Variants in TMEM184C observed in about 807,000 individuals in gnomAD.
TMEM184C encodes transmembrane protein 34.
Under a neutral mutation model 54.5 loss-of-function variants are expected in TMEM184C, and 25 were observed. That is an observed-to-expected ratio of 0.46 (90% CI 0.33 to 0.64). The LOEUF is 0.64. TMEM184C is among the 30% of genes least tolerant of loss of function. The pLI, the probability that TMEM184C is intolerant of heterozygous loss-of-function variation, is 0.02. For missense variants in TMEM184C, 335 were observed against 520.3 expected (o/e 0.64, Z 3.46); for synonymous variants, 148 against 181.5 (o/e 0.82, Z 1.49).
At chr4:147,630,867 A>T (rs1488698594) in intron 6 of TMEM184C, among the ~76,000 whole-genome samples, 1 of 152,058 alleles carries the variant, frequency 6.6e-6, no homozygotes, top group African/African-American at 2.4e-5. Flanking sequence ...AGATTTCTAA[A>T]AAGTTAGTAA....
At chr4:147,623,563 AAAAAG>A (rs989613653) in intron 1 of TMEM184C, among the ~76,000 whole-genome samples, 54 of 151,236 alleles carry the variant, frequency 3.6e-4, no homozygotes, top group African/African-American at 1.3e-3. Flanking sequence ...TTAAAAAAAA[AAAAAG>A]ATTCATACTC....
chr4:147,623,940 C>G lies in TMEM184C; in HGVS notation c.230C>G (p.Pro77Arg), dbSNP rs1732762504. The change falls in exon 2 of 10, where the codon CCT becomes CGT. Residue 77 changes from proline (P) to arginine (R), a missense_variant. Pro to Arg is a moderately radical substitution (Grantham distance 103). Coordinates refer to ENST00000296582, the MANE Select transcript of TMEM184C (RefSeq NM_018241.3). ...ILQHLVHYTQ[P>R]ELQKPIIRIL... ...CAACACTTAGTGCATTATACACAAC[C>G]TGAACTACAAAAACCAATAATAAGG... 1.2e-6 allele frequency: 2 copies of G among 1,613,944 alleles called. No homozygotes were observed. Among genetic ancestry groups the G allele is most frequent in the African/African-American group, 2.7e-5 (2 of 75,016 alleles).
At chr4:147,625,404 GTGTT>G (rs1732795628) in intron 4 of TMEM184C, among the ~76,000 whole-genome samples, 3 of 152,172 alleles carry the variant, frequency 2.0e-5, no homozygotes, top group Admixed American at 2.0e-4. Context: ...ATAAGTAACA[GTGTT>G]TGGTAACATA....
chr4:147,632,787 C>G, intron 7 of TMEM184C, 116 bp from the exon 8 acceptor site: 1 of 692,486 alleles, frequency 1.4e-6, no homozygotes, highest in African/African-American at 1.8e-5. Context: ...GCTGTAAAGG[C>G]AGGGTGGTGG....
At chr4:147,624,156 T>A (rs1732766628) in intron 3 of TMEM184C, 58 bp downstream of exon 3, 1 of 1,417,890 alleles carries the variant, frequency 7.1e-7, no homozygotes, top group Non-Finnish European at 9.8e-7. Flanking sequence ...ATACTATAAT[T>A]ACAGAATGCT....
Position 147,634,356 on chromosome 4 carries a change from A to G in TMEM184C, c.1239A>G (p.Thr413=), listed in dbSNP as rs1490892916. 1 of 1,614,196 alleles carries G rather than the reference A, an allele frequency of 6.2e-7. No individual in the cohort carries two copies. Among genetic ancestry groups the G allele is most frequent in the East Asian group, 2.2e-5 (1 of 44,884 alleles). The change falls in exon 10 of 10, where the codon ACA becomes ACG. Residue 413 remains threonine, a synonymous_variant. Coordinates refer to ENST00000296582, the MANE Select transcript of TMEM184C (RefSeq NM_018241.3). The part of the protein sequence containing the change: ...HTVTPQTTPT[T]AKISDEILSD... ...TGACTCCCCAGACTACACCTACCACAGCTAAGATATCTGATGAAATCCTTA... is the reference window on the plus strand; with the variant it reads ...TGACTCCCCAGACTACACCTACCACGGCTAAGATATCTGATGAAATCCTTA...
chr4:147,628,403 A>G lies in TMEM184C; in HGVS notation c.540A>G (p.Thr180=). Reference sequence around the variant, plus strand: ...GCAAACTAGGTGTATTACAGTACACAGTTGTCAGACCTTTCACCACCATCG... The same window carrying G: ...GCAAACTAGGTGTATTACAGTACACGGTTGTCAGACCTTTCACCACCATCG... ...FRCKLGVLQY[T]VVRPFTTIVA... Residue 180 remains threonine (T), a synonymous_variant, in exon 5 of 10, where the codon ACA becomes ACG. Transcript: ENST00000296582. 2 of 1,613,906 alleles carry G rather than the reference A, an allele frequency of 1.2e-6. No individual in the cohort carries two copies. Among genetic ancestry groups the G allele is most frequent in the Non-Finnish European group, 1.7e-6 (2 of 1,179,938 alleles).
intron 6 of TMEM184C, among the ~76,000 whole-genome samples, chr4:147,630,565 A>T (rs1732899179): frequency 6.6e-6 from 1 of 152,102 alleles, no homozygotes; most frequent in Non-Finnish European, 1.5e-5. Context: ...TCCATTGGCC[A>T]AAATATTAGG....
intron 7 of TMEM184C, among the ~76,000 whole-genome samples, chr4:147,632,070 A>G (rs1359304338): frequency 6.6e-6 from 1 of 151,208 alleles, no homozygotes; most frequent in African/African-American, 2.4e-5. Flanking sequence ...GCTACTTGGC[A>G]GGGAAGGCAG....
At chr4:147,624,194 A>T in intron 3 of TMEM184C, 96 bp downstream of exon 3, 1 of 1,070,644 alleles carries the variant, frequency 9.3e-7, no homozygotes, top group Non-Finnish European at 1.3e-6. Context: ...GTTATTGACA[A>T]GGAGTCAGAT....
intron 1 of TMEM184C, among the ~76,000 whole-genome samples, chr4:147,620,950 T>A (rs1043543361): frequency 6.6e-6 from 1 of 152,216 alleles, no homozygotes; most frequent in African/African-American, 2.4e-5. Flanking sequence ...GTCCCCAGGC[T>A]GCCGTGAGAA....
rs111405235 is a variant in TMEM184C, at chr4:147,634,517, TA to T, written c.*86del. On this transcript the variant is annotated 3_prime_UTR_variant, in exon 10 of 10. Transcript: ENST00000296582. ...TGGATTTTGTGCTTGGGACAGACCA[TA>T]AATGATGGAAAATGTCAACACAAAA... 4.3e-5 allele frequency: 63 copies of T among 1,457,762 alleles called. 2 individuals are homozygous for T. The South Asian group carries it at 6.8e-4, about 16-fold the overall frequency. The allele number at this position is 1,457,762 out of a possible 1,614,324, so 90.3% of individuals were successfully genotyped here.
intron 6 of TMEM184C, among the ~76,000 whole-genome samples, chr4:147,630,603 CAT>C (rs1379252828): frequency 1.3e-5 from 2 of 151,846 alleles, no homozygotes; most frequent in African/African-American, 2.4e-5. Context: ...CCTGATGAAA[CAT>C]ATAGAAGTTA....
intron 1 of TMEM184C, among the ~76,000 whole-genome samples, chr4:147,618,456 C>G (rs1732641185): frequency 1.3e-5 from 2 of 152,200 alleles, no homozygotes; most frequent in African/African-American, 4.8e-5. Context: ...TAGCTTTTAA[C>G]TAGCTTCTTG....
chr4:147,633,304 T>C (rs977517275), intron 8 of TMEM184C, among the ~76,000 whole-genome samples: 3 of 151,702 alleles, frequency 2.0e-5, no homozygotes, highest in Non-Finnish European at 4.4e-5. Context: ...TGCTAAGAAA[T>C]ACTTGAGGCT....
Position 147,628,443 on chromosome 4 carries a change from C to G in TMEM184C, c.572+8C>G. ...CACCACCATCGTTGCTTTGTAAGTACTCGGATTTTATATGAACTTTTTTTT... is the reference window on the plus strand; with the variant it reads ...CACCACCATCGTTGCTTTGTAAGTAGTCGGATTTTATATGAACTTTTTTTT... On this transcript the variant is annotated splice_region_variant and intron_variant, in intron 5 of 9. Coordinates refer to ENST00000296582, the MANE Select transcript of TMEM184C (RefSeq NM_018241.3). 6.2e-7 allele frequency: 1 copy of G among 1,611,682 alleles called. No individual in the cohort carries two copies. Among genetic ancestry groups the G allele is most frequent in the East Asian group, 2.2e-5 (1 of 44,824 alleles).
Position 147,634,378 on chromosome 4 carries a change from C to T in TMEM184C, c.1261C>T (p.Leu421Phe). ...CACAGCTAAGATATCTGATGAAATC[C>T]TTAGTGATACTATAGGAGAGAAAAA... ...PTTAKISDEI[L>F]SDTIGEKKEP... Residue 421 changes from leucine (L) to phenylalanine (F), a missense_variant, in exon 10 of 10, where the codon CTT becomes TTT. Physicochemically the swap from Leu to Phe is conservative, Grantham distance 22. Transcript: ENST00000296582. The T allele has an allele frequency of 6.2e-7, 1 of 1,614,164 alleles. No individual in the cohort carries two copies. The highest frequency in any genetic ancestry group is 8.5e-7 in the Non-Finnish European group (1 of 1,180,022).
intron 4 of TMEM184C, among the ~76,000 whole-genome samples, chr4:147,627,174 G>C (rs981063188): frequency 2.0e-5 from 3 of 152,200 alleles, no homozygotes; most frequent in African/African-American, 7.2e-5. Flanking sequence ...ATGAAGCCAA[G>C]TTGAAAAGAG....
rs540307447 is a variant in TMEM184C, at chr4:147,633,027, A to G, written c.879+25A>G. ...GGTAAGTAGTGCCATCTCTGAATTC[A>G]ATAGAACTTTACTATTTGTTAAGCA... On this transcript the variant is annotated intron_variant, in intron 8 of 9. Transcript: ENST00000296582. 81 of 1,586,466 alleles carry G rather than the reference A, an allele frequency of 5.1e-5. 1 individual carries two copies. The East Asian group carries it at 1.7e-3, about 32-fold the overall frequency.
Sources: allele counts gnomAD v4.1 joint callset (sites outside exome capture counted in the v4.1 genomes callset), GRCh38; gene constraint gnomAD v4.1.1; transcripts MANE v1.5; gene names NCBI Gene and HGNC (gene_info 2026-07-23, HGNC 2026-07-21).